THSD7B: variants seen among roughly 807,000 people sequenced by gnomAD.
The protein encoded by THSD7B is thrombospondin type-1 domain-containing protein 7B.
Under a neutral mutation model 213.6 loss-of-function variants are expected in THSD7B, and 138 were observed. The observed-to-expected ratio is 0.65, with a 90% CI of 0.56 to 0.74. THSD7B has a LOEUF of 0.74. Ranked by LOEUF, THSD7B falls within the 30% of genes least tolerant of loss-of-function variation. THSD7B has a pLI of 0.00. For missense variants in THSD7B, 1,931 were observed against 1,991.5 expected (o/e 0.97, Z 0.58); for synonymous variants, 742 against 687.0 (o/e 1.08, Z -1.25).
At chr2:137,085,775 A>G (rs1215342817) in intron 3 of THSD7B, among the ~76,000 whole-genome samples, 2 of 152,198 alleles carry the variant, frequency 1.3e-5, no homozygotes, top group Non-Finnish European at 2.9e-5. Context: ...ATAGATTTAT[A>G]GCATTGGGAT....
At chr2:137,058,009 A>G (rs1353264545) in intron 3 of THSD7B, among the ~76,000 whole-genome samples, 3 of 152,210 alleles carry the variant, frequency 2.0e-5, no homozygotes. Flanking sequence ...TTTCTTCCAA[A>G]TTAAGATGCC....
intron 15 of THSD7B, among the ~76,000 whole-genome samples, chr2:137,520,981 A>G (rs952161548): frequency 1.8e-4 from 27 of 152,204 alleles, no homozygotes; most frequent in Non-Finnish European, 2.9e-5. Flanking sequence ...GTCAGACAAA[A>G]GGAAAATATA....
chr2:137,642,505 C>T lies in THSD7B; in HGVS notation c.3817C>T (p.Arg1273Ter), dbSNP rs1682958477. 1 of 1,613,812 alleles carries T rather than the reference C, an allele frequency of 6.2e-7. No individual in the cohort carries two copies. Among genetic ancestry groups the T allele is most frequent in the Non-Finnish European group, 8.5e-7 (1 of 1,179,816 alleles). The change falls in exon 21 of 28, where the codon CGA (arginine) becomes TGA (stop). Residue 1273 changes from arginine (R) to a stop codon, truncating the protein, a stop_gained. Transcript: ENST00000409968. LOFTEE classifies it high-confidence loss of function. ...CATTTTAGGTCGAATGAGCCGGACT[C>T]GATTTATCATTATGCCAACCCAAGG... is the stretch of plus-strand genomic sequence containing the variant. Reference protein sequence around the residue: ...CGHGGRMSRTRFIIMPTQGEG... With the variant: ...CGHGGRMSRT
At chr2:136,782,845 A>G (rs1681767343) in intron 1 of THSD7B, among the ~76,000 whole-genome samples, 1 of 152,170 alleles carries the variant, frequency 6.6e-6, no homozygotes, top group South Asian at 2.1e-4. Context: ...GTGTGTATAT[A>G]TACTTCAAAG....
At chr2:137,420,566 C>T (rs904033788) in intron 14 of THSD7B, among the ~76,000 whole-genome samples, 3 of 152,170 alleles carry the variant, frequency 2.0e-5, no homozygotes, top group African/African-American at 7.2e-5. Context: ...CTAATCCATG[C>T]TGCCACAGAG....
At chr2:137,127,309 C>T (rs891174799) in intron 5 of THSD7B, among the ~76,000 whole-genome samples, 1 of 152,146 alleles carries the variant, frequency 6.6e-6, no homozygotes, top group African/African-American at 2.4e-5. Flanking sequence ...CATACCACAA[C>T]GTGATTCCAA....
intron 2 of THSD7B, among the ~76,000 whole-genome samples, chr2:137,022,596 C>A (rs1026301399): frequency 6.6e-6 from 1 of 151,554 alleles, no homozygotes; most frequent in African/African-American, 2.4e-5. Flanking sequence ...GATACATGGG[C>A]TTAAATAAAA....
In THSD7B at chr2:137,094,932, G is replaced by C; in HGVS notation, c.1010G>C (p.Cys337Ser). ...TVQSCIMPKD[C>S]ETSQWSSWSP... is the part of the protein sequence containing the mutation. Reference sequence around the variant, plus strand: ...CAGTCCTGCATCATGCCCAAAGACTGTGAAACCTCCCAGTGGTCCTCCTGG... The same window carrying C: ...CAGTCCTGCATCATGCCCAAAGACTCTGAAACCTCCCAGTGGTCCTCCTGG... Residue 337 changes from cysteine to serine, a missense_variant, in exon 4 of 28, where the codon TGT becomes TCT. Physicochemically the swap from Cys to Ser is moderately radical, Grantham distance 112. Coordinates refer to ENST00000409968, the MANE Select transcript of THSD7B (RefSeq NM_001316349.2). 6.2e-7 allele frequency: 1 copy of C among 1,613,714 alleles called. No individual in the cohort carries two copies. Among genetic ancestry groups the C allele is most frequent in the Non-Finnish European group, 8.5e-7 (1 of 1,179,824 alleles).
chr2:137,618,064 T>C (rs1394513500), intron 18 of THSD7B, among the ~76,000 whole-genome samples: 2 of 152,138 alleles, frequency 1.3e-5, no homozygotes, highest in African/African-American at 4.8e-5. Context: ...CCTCAACAAA[T>C]AGTTGATTCT....
At chr2:137,116,459 G>A (rs777119727) in intron 5 of THSD7B, among the ~76,000 whole-genome samples, 1 of 152,150 alleles carries the variant, frequency 6.6e-6, no homozygotes, top group Non-Finnish European at 1.5e-5. Context: ...TCAAACCTTG[G>A]TGATCTTTCC....
intron 12 of THSD7B, among the ~76,000 whole-genome samples, chr2:137,282,307 C>G (rs1683042958): frequency 6.6e-6 from 1 of 152,008 alleles, no homozygotes; most frequent in African/African-American, 2.4e-5. Flanking sequence ...GATATTAGCC[C>G]TTTGTCAGAT....
chr2:137,269,979 A>G (rs1170101685), intron 10 of THSD7B, among the ~76,000 whole-genome samples: 4 of 152,208 alleles, frequency 2.6e-5, no homozygotes, highest in Admixed American at 1.3e-4. Flanking sequence ...ACAAAGGATG[A>G]GAAGTGTTAG....
chr2:137,164,468 G>T (rs1680081606), intron 6 of THSD7B, among the ~76,000 whole-genome samples: 1 of 152,156 alleles, frequency 6.6e-6, no homozygotes. Flanking sequence ...GGAAGACACT[G>T]TGGCGATTCC....
At chr2:136,986,803 TA>T (rs1409383048) in intron 2 of THSD7B, among the ~76,000 whole-genome samples, 11 of 152,224 alleles carry the variant, frequency 7.2e-5, no homozygotes, top group Admixed American at 7.2e-4. Context: ...ACTGCCATTG[TA>T]AAATCTTATT....
chr2:137,532,677 C>T (rs1680420728), intron 15 of THSD7B, among the ~76,000 whole-genome samples: 1 of 151,750 alleles, frequency 6.6e-6, no homozygotes, highest in South Asian at 2.1e-4. Flanking sequence ...AGTTGGCTGT[C>T]TCTTTGCATC....
chr2:137,312,757 A>G (rs367722861), intron 12 of THSD7B, among the ~76,000 whole-genome samples: 5 of 150,148 alleles, frequency 3.3e-5, no homozygotes, highest in East Asian at 2.0e-4. Flanking sequence ...CCTTCATTTC[A>G]TTATGTACCC....
chr2:136,786,806 CGAT>C (rs1054120221), intron 1 of THSD7B, among the ~76,000 whole-genome samples: 12 of 151,898 alleles, frequency 7.9e-5, no homozygotes, highest in Admixed American at 5.2e-4. Context: ...ACATAAATGT[CGAT>C]GATTTCTTAT....
At chr2:136,998,920 A>T (rs1685949111) in intron 2 of THSD7B, among the ~76,000 whole-genome samples, 1 of 112,966 alleles carries the variant, frequency 8.9e-6, no homozygotes, top group African/African-American at 3.1e-5. Context: ...ACACACACAC[A>T]CACACACACA....
intron 10 of THSD7B, among the ~76,000 whole-genome samples, chr2:137,261,728 C>A (rs1222669824): frequency 3.3e-5 from 5 of 151,996 alleles, no homozygotes; most frequent in Non-Finnish European, 7.4e-5. Flanking sequence ...AAATAAAAAG[C>A]CTAATTTTAA....
Sources: allele counts gnomAD v4.1 joint callset (sites outside exome capture counted in the v4.1 genomes callset), GRCh38; gene constraint gnomAD v4.1.1; transcripts MANE v1.5; gene names NCBI Gene and HGNC (gene_info 2026-07-23, HGNC 2026-07-21).